Variants in ABHD5 observed in about 807,000 individuals in gnomAD.
ABHD5 encodes 1-acylglycerol-3-phosphate O-acyltransferase ABHD5.
A neutral mutation model predicts 44.9 loss-of-function variants in ABHD5; 30 were observed. That is an observed-to-expected ratio of 0.67 (90% CI 0.50 to 0.91). ABHD5 has a LOEUF of 0.91. ABHD5 is among the 40% of genes least tolerant of loss of function. ABHD5 has a pLI of 0.00. For missense variants in ABHD5, 399 were observed against 423.4 expected, an observed-to-expected ratio of 0.94 and a Z score of 0.50; for synonymous variants, 167 against 147.0, an observed-to-expected ratio of 1.14 and a Z score of -0.99.
intron 7 of ABHD5, chr3:43,733,870 A>G (rs995054823): frequency 1.3e-5 from 2 of 152,034 alleles, no homozygotes; most frequent in Admixed American, 6.6e-5. Context: ...CACTGTTACT[A>G]TTTTTTCAGA....
chr3:43,732,804 GC>G (rs1697260208), intron 7 of ABHD5, among the ~76,000 whole-genome samples: 1 of 152,144 alleles, frequency 6.6e-6, no homozygotes, highest in African/African-American at 2.4e-5. Flanking sequence ...GGTAGCCAGG[GC>G]TGGGGTCTCA....
intron 5 of ABHD5, among the ~76,000 whole-genome samples, chr3:43,715,904 G>C (rs1461669264): frequency 6.6e-6 from 1 of 152,120 alleles, no homozygotes; most frequent in Non-Finnish European, 1.5e-5. Context: ...AAGTTCATTT[G>C]ATGATTGTAC....
chr3:43,716,747 C>T (rs1387355657), intron 5 of ABHD5, among the ~76,000 whole-genome samples: 1 of 152,076 alleles, frequency 6.6e-6, no homozygotes, highest in African/African-American at 2.4e-5. Flanking sequence ...TCCTGCATGG[C>T]GTAAGTTTTA....
chr3:43,691,924 G>A (rs923836312), intron 1 of ABHD5, among the ~76,000 whole-genome samples: 5 of 152,144 alleles, frequency 3.3e-5, no homozygotes, highest in African/African-American at 1.2e-4. Context: ...GATGTCTAAT[G>A]TGAAACTTTT....
At chr3:43,693,701 C>T (rs1455424774) in intron 1 of ABHD5, among the ~76,000 whole-genome samples, 1 of 149,848 alleles carries the variant, frequency 6.7e-6, no homozygotes, top group Non-Finnish European at 1.5e-5. Context: ...GACATTTTGC[C>T]TTTTATCTTA....
Position 43,721,795 on chromosome 3 carries a change from C to A in ABHD5, c.*3263C>A, listed in dbSNP as rs1471844489. ...GAAGAATTTTAAACTATGAGAAGAA[C>A]CCGAAGAATAGGCAAAAGGATGTGA... On this transcript the variant is annotated 3_prime_UTR_variant, in exon 7 of 7. Coordinates refer to ENST00000644371, the MANE Select transcript of ABHD5 (RefSeq NM_016006.6). 2.0e-5 allele frequency: 3 copies of A among 151,900 alleles called. No individual in the cohort carries two copies. Among genetic ancestry groups the A allele is most frequent in the Admixed American group, 2.0e-4 (3 of 15,228 alleles). The allele number at this position is 151,900 out of a possible 1,614,324, so 9.4% of individuals were successfully genotyped here.
intron 4 of ABHD5, among the ~76,000 whole-genome samples, chr3:43,713,861 G>A (rs1397552908): frequency 6.6e-6 from 1 of 151,980 alleles, no homozygotes; most frequent in Non-Finnish European, 1.5e-5. Context: ...ATTATTGCTT[G>A]CACTTGGGGG....
intron 2 of ABHD5, among the ~76,000 whole-genome samples, chr3:43,700,971 A>C (rs1387038061): frequency 6.7e-6 from 1 of 148,496 alleles, no homozygotes; most frequent in Non-Finnish European, 1.5e-5. Context: ...GTGATTTACC[A>C]AAATAAAAAA....
chr3:43,714,875 C>G (rs1322424977), intron 4 of ABHD5, 72 bp from the exon 5 acceptor site: 7 of 1,060,946 alleles, frequency 6.6e-6, no homozygotes, highest in Admixed American at 3.4e-5. Context: ...AGCACTAAAA[C>G]TTTCTATATT....
intron 3 of ABHD5, among the ~76,000 whole-genome samples, chr3:43,707,109 G>GTT (rs915094440): frequency 6.6e-6 from 1 of 152,074 alleles, no homozygotes; most frequent in African/African-American, 2.4e-5. Context: ...ACCTGGCCCG[G>GTT]TTTTTTCTTT....
At chr3:43,705,813 C>G (rs535697335) in intron 3 of ABHD5, among the ~76,000 whole-genome samples, 1 of 152,160 alleles carries the variant, frequency 6.6e-6, no homozygotes, top group Non-Finnish European at 1.5e-5. Flanking sequence ...CTTTGGTGCC[C>G]TTTGGTCTTG....
rs550043330 is a variant in ABHD5, at chr3:43,722,093, G to C, written c.*3561G>C. On this transcript the variant is annotated 3_prime_UTR_variant, in exon 7 of 7. Transcript: ENST00000644371. ...GACCCAGTTCTAAGAATCCATATGAGATGCACTTGCAAGAATATGAAATAG... is the reference window on the plus strand; with the variant it reads ...GACCCAGTTCTAAGAATCCATATGACATGCACTTGCAAGAATATGAAATAG... The C allele has an allele frequency of 4.6e-5, 7 of 152,252 alleles. No homozygotes were observed. Among genetic ancestry groups the C allele is most frequent in the African/African-American group, 1.7e-4 (7 of 41,554 alleles). 9.4% of individuals were successfully genotyped at this position (152,252 alleles called of 1,614,324 possible).
intron 3 of ABHD5, among the ~76,000 whole-genome samples, chr3:43,710,604 G>A (rs2084676920): frequency 6.6e-6 from 1 of 152,234 alleles, no homozygotes; most frequent in Non-Finnish European, 1.5e-5. Context: ...AACAGTCACA[G>A]TATGGACCTG....
chr3:43,711,974 C>T (rs892127195), intron 4 of ABHD5, 111 bp downstream of exon 4: 8 of 1,399,996 alleles, frequency 5.7e-6, no homozygotes, highest in Admixed American at 1.7e-5. Context: ...TGAACCCTTA[C>T]TTTTTCTCCT....
In ABHD5 at chr3:43,690,982, C is replaced by A. The variant is rs889955892; in HGVS notation, c.-11C>A. 2.5e-6 allele frequency: 4 copies of A among 1,570,198 alleles called. No individual in the cohort carries two copies. The highest frequency in any genetic ancestry group is 2.6e-6 in the Non-Finnish European group (3 of 1,161,540). On this transcript the variant is annotated 5_prime_UTR_variant, in exon 1 of 7. Transcript: ENST00000644371. ...TTCGAGATAAGTCCCGGCGCTTGCG[C>A]GGCGGCGGCTATGGCGGCGGAGGAG...
intron 7 of ABHD5, among the ~76,000 whole-genome samples, chr3:43,728,715 A>T (rs1445547481): frequency 3.3e-5 from 5 of 152,224 alleles, no homozygotes; most frequent in Admixed American, 1.3e-4. Context: ...CCATTAAGTA[A>T]ATCAGGTATC....
downstream of ABHD5, among the ~76,000 whole-genome samples, chr3:43,726,959 G>A (rs1302805737): frequency 6.6e-6 from 1 of 152,122 alleles, no homozygotes; most frequent in Non-Finnish European, 1.5e-5. Flanking sequence ...CTGTCTTTTG[G>A]TGGCACTTGA....
chr3:43,709,532 A>G (rs148898329), intron 3 of ABHD5, among the ~76,000 whole-genome samples: 210 of 151,176 alleles, frequency 1.4e-3, no homozygotes, highest in African/African-American at 4.9e-3. Flanking sequence ...CCATTAACAA[A>G]TTTGTGACAA....
rs548697434 is a variant in ABHD5 at position 43,709,959 on chromosome 3, C to G, written c.507-1750C>G. Among the ~76,000 whole-genome samples, 223 of 152,294 alleles carry G rather than the reference C, an allele frequency of 1.5e-3. 2 individuals are homozygous for G. The highest frequency in any genetic ancestry group is 0.014 in the Middle Eastern group (4 of 294). ...TCAGGAGACTGAGGCAGGAGAATCA[C>G]TTGAACCTGGGAGGCGGAGGTTGAA... On this transcript the variant is annotated intron_variant, in intron 3 of 6. Transcript: ENST00000644371.
Sources: allele counts gnomAD v4.1 joint callset (sites outside exome capture counted in the v4.1 genomes callset), GRCh38; gene constraint gnomAD v4.1.1; transcripts MANE v1.5; gene names NCBI Gene and HGNC (gene_info 2026-07-23, HGNC 2026-07-21).